TDRD9: variants seen among roughly 807,000 people sequenced by gnomAD.
TDRD9 encodes the protein ATP-dependent RNA helicase TDRD9.
Under a neutral mutation model 172.6 loss-of-function variants are expected in TDRD9, and 124 were observed. The observed-to-expected ratio is 0.72, with a 90% CI of 0.62 to 0.83. The LOEUF is 0.83. TDRD9 is among the 40% of genes least tolerant of loss of function. The pLI, the probability that TDRD9 is intolerant of heterozygous loss-of-function variation, is 0.00. For synonymous variants in TDRD9, 619 were observed against 617.1 expected (o/e 1.00, Z -0.05); for missense variants, 1,479 against 1,714.1 (o/e 0.86, Z 2.42).
At chr14:104,016,362 A>G (rs149066217) in intron 22 of TDRD9, among the ~76,000 whole-genome samples, 4 of 152,222 alleles carry the variant, frequency 2.6e-5, no homozygotes, top group Non-Finnish European at 4.4e-5. Flanking sequence ...ATCATGTGCT[A>G]TTTTGAAGGA....
chr14:103,987,941 A>G (rs1160935043), intron 8 of TDRD9, among the ~76,000 whole-genome samples: 1 of 152,152 alleles, frequency 6.6e-6, no homozygotes, highest in African/African-American at 2.4e-5. Context: ...CTAGATGCAT[A>G]TATGTTTATA....
At chr14:103,965,084 C>T (rs552702220) in intron 3 of TDRD9, among the ~76,000 whole-genome samples, 12 of 151,906 alleles carry the variant, frequency 7.9e-5, no homozygotes, top group African/African-American at 2.7e-4. Flanking sequence ...TGGTGGTACA[C>T]GCCTGTAGTC....
chr14:103,941,982 A>G, intron 1 of TDRD9: 1 of 356,664 alleles, frequency 2.8e-6, no homozygotes, highest in Non-Finnish European at 5.0e-6. Context: ...AAATAACACT[A>G]ACACTTGCTG....
At chr14:104,021,441 T>G (rs905357157) in intron 23 of TDRD9, among the ~76,000 whole-genome samples, 1 of 152,222 alleles carries the variant, frequency 6.6e-6, no homozygotes, top group Non-Finnish European at 1.5e-5. Flanking sequence ...AGTCCTGTAA[T>G]CTCAGCACTT....
intron 5 of TDRD9, among the ~76,000 whole-genome samples, chr14:103,969,720 C>T (rs940672911): frequency 6.6e-5 from 10 of 151,654 alleles, no homozygotes; most frequent in Non-Finnish European, 1.0e-4. Context: ...AGAATCTTAC[C>T]GTCCCCTTGT....
intron 20 of TDRD9, among the ~76,000 whole-genome samples, chr14:104,013,165 T>A (rs1406890916): frequency 1.3e-5 from 2 of 152,218 alleles, no homozygotes; most frequent in Non-Finnish European, 2.9e-5. Context: ...TTCCCCCCAG[T>A]TATGTTCACA....
rs925209136 is a variant in TDRD9, at chr14:103,948,698, G to A, written c.216-6966G>A. 2.8e-4 allele frequency among the ~76,000 whole-genome samples: 43 copies of A among 152,154 alleles called. 1 individual carries two copies. The highest frequency in any genetic ancestry group is 2.0e-3 in the Admixed American group (30 of 15,274). ...ACCTTGAGGACATTATGCTAAATAAGCCAGTCACAAAAGGACAGATACTTT... is the reference window on the plus strand; with the variant it reads ...ACCTTGAGGACATTATGCTAAATAAACCAGTCACAAAAGGACAGATACTTT... On this transcript the variant is annotated intron_variant, in intron 1 of 35. Coordinates refer to ENST00000409874, the MANE Select transcript of TDRD9 (RefSeq NM_153046.3).
At chr14:104,041,951 G>A in intron 33 of TDRD9, 118 bp from the exon 34 acceptor site, 1 of 663,560 alleles carries the variant, frequency 1.5e-6, no homozygotes, top group Non-Finnish European at 2.6e-6. Flanking sequence ...CAGCAGGCGA[G>A]TGGATAAACC....
rs1216535293 is a variant in TDRD9, at chr14:104,031,234, A to G, written c.3409A>G (p.Thr1137Ala). Residue 1137 changes from threonine to alanine, a missense_variant, in exon 29 of 36, where the codon ACC becomes GCC. Thr to Ala is a moderately conservative substitution (Grantham distance 58). Transcript: ENST00000409874. The stretch of plus-strand genomic sequence containing the variant: ...CCGGATTTTGTTAGAGAGCTTTTCT[A>G]CCAATAAACTGGGTACTCCAAACTG... The part of the protein sequence containing the change: ...LIRILLESFS[T>A]NKLGTPNCKA... 5.2e-6 allele frequency: 8 copies of G among 1,551,720 alleles called. No individual in the cohort carries two copies. The highest frequency in any genetic ancestry group is 2.7e-5 in the African/African-American group (2 of 73,026).
At chr14:104,014,640 C>T (rs1025726968) in intron 20 of TDRD9, 85 bp from the exon 21 acceptor site, 4 of 723,812 alleles carry the variant, frequency 5.5e-6, no homozygotes, top group South Asian at 1.6e-5. Context: ...ATACTTTACC[C>T]GTTGTGCACT....
chr14:103,930,993 TA>T (rs2030351696), intron 1 of TDRD9, among the ~76,000 whole-genome samples: 1 of 152,138 alleles, frequency 6.6e-6, no homozygotes, highest in East Asian at 1.9e-4. Context: ...TAATCGCAGT[TA>T]AAAAATTATT....
intron 34 of TDRD9, among the ~76,000 whole-genome samples, chr14:104,047,664 G>A (rs1004376732): frequency 6.6e-6 from 1 of 152,090 alleles, no homozygotes; most frequent in Non-Finnish European, 1.5e-5. Flanking sequence ...CGGTCGATAC[G>A]GCCTCACTGG....
intron 34 of TDRD9, among the ~76,000 whole-genome samples, chr14:104,042,838 C>A (rs11160781): frequency 2.0e-5 from 3 of 152,034 alleles, no homozygotes; most frequent in Non-Finnish European, 4.4e-5. Flanking sequence ...GGGACCTGGA[C>A]CTCTGTGAAA....
At chr14:103,954,382 C>T (rs2032092626) in intron 1 of TDRD9, among the ~76,000 whole-genome samples, 1 of 152,192 alleles carries the variant, frequency 6.6e-6, no homozygotes, top group Admixed American at 6.5e-5. Flanking sequence ...TCTATTATGT[C>T]TCCTTCACAA....
At chr14:104,026,550 T>C (rs1378335973) in intron 27 of TDRD9, 129 bp from the exon 28 acceptor site, 1 of 1,067,528 alleles carries the variant, frequency 9.4e-7, no homozygotes, top group African/African-American at 1.6e-5. Flanking sequence ...ACCCCAACAT[T>C]AGTTTTATTG....
At chr14:104,029,993 G>A (rs1351287085) in intron 28 of TDRD9, among the ~76,000 whole-genome samples, 2 of 152,064 alleles carry the variant, frequency 1.3e-5, no homozygotes, top group African/African-American at 2.4e-5. Context: ...TTTCTGCTGG[G>A]GATGAAGAAT....
intron 7 of TDRD9, among the ~76,000 whole-genome samples, chr14:103,985,850 G>C (rs73354461): frequency 6.6e-6 from 1 of 152,170 alleles, no homozygotes; most frequent in Middle Eastern, 3.2e-3. Context: ...CAGAGGGGAA[G>C]GGCATTGGCT....
At position 104,005,186 on chromosome 14, in the gene TDRD9, C is replaced by T. The variant is rs562939017; in HGVS notation, c.1582-88C>T. On this transcript the variant is annotated intron_variant, in intron 14 of 35. Coordinates refer to ENST00000409874, the MANE Select transcript of TDRD9 (RefSeq NM_153046.3). ...TCTTCTCTCCTCTCCTTCTCTCCTC[C>T]TCTTTCCCTCTGAAGCACTGGTTAT... 120 of 1,407,190 alleles carry T rather than the reference C, an allele frequency of 8.5e-5. No individual in the cohort carries two copies. In the African/African-American group the frequency reaches 1.5e-3, roughly 17 times the overall value. The allele number at this position is 1,407,190 out of a possible 1,614,324, so 87.2% of individuals were successfully genotyped here. A position where few individuals can be genotyped will look rare whatever the true frequency, so the allele number is the denominator to read the frequency against.
chr14:103,968,875 C>T (rs1208967114), intron 5 of TDRD9, among the ~76,000 whole-genome samples: 6 of 147,096 alleles, frequency 4.1e-5, no homozygotes, highest in South Asian at 2.1e-4. Context: ...CCGAGGTGGG[C>T]GGATCACCAG....
Sources: gnomAD v4.1 joint callset for allele counts (sites outside exome capture counted in the v4.1 genomes callset) on GRCh38, gnomAD v4.1.1 for gene constraint, MANE v1.5 for transcripts, NCBI Gene and HGNC (gene_info 2026-07-23, HGNC 2026-07-21) for gene names.